The following LRRTM3 variants were observed in gnomAD, a reference collection of about 807,000 sequenced individuals.
LRRTM3 encodes the protein leucine rich repeat transmembrane neuronal 3.
LRRTM3 carries 24 observed loss-of-function variants against 44.7 expected under a neutral mutation model. The ratio of observed to expected loss-of-function variants is 0.54; its 90% confidence interval spans 0.39 to 0.76. The LOEUF is 0.76. LRRTM3 is among the 30% of genes least tolerant of loss of function. The pLI is 0.00. For missense variants in LRRTM3, 587 were observed against 702.2 expected (o/e 0.84, Z 1.85); for synonymous variants, 277 against 278.7 (o/e 0.99, Z 0.06).
intron 2 of LRRTM3, among the ~76,000 whole-genome samples, chr10:67,017,421 T>C (rs1362094284): frequency 6.6e-6 from 1 of 152,154 alleles, no homozygotes; most frequent in Non-Finnish European, 1.5e-5. Flanking sequence ...CAGAGTTGAT[T>C]ATGTGGAATA....
At chr10:67,075,870 A>G (rs780126505) in intron 2 of LRRTM3, among the ~76,000 whole-genome samples, 3 of 152,242 alleles carry the variant, frequency 2.0e-5, no homozygotes, top group Non-Finnish European at 4.4e-5. Context: ...TGAGCTTTCA[A>G]TCAACAATTT....
chr10:67,045,762 A>C (rs891843460), intron 2 of LRRTM3, among the ~76,000 whole-genome samples: 17 of 151,980 alleles, frequency 1.1e-4, no homozygotes, highest in African/African-American at 3.9e-4. Flanking sequence ...TAAAGAGGAG[A>C]AACCGAACTG....
chr10:67,092,307 G>A (rs970927856), intron 2 of LRRTM3, among the ~76,000 whole-genome samples: 1 of 151,822 alleles, frequency 6.6e-6, no homozygotes, highest in African/African-American at 2.4e-5. Context: ...AATGAGTAGA[G>A]ATATTTATAC....
intron 2 of LRRTM3, among the ~76,000 whole-genome samples, chr10:67,027,999 A>C (rs1168904385): frequency 1.3e-5 from 2 of 152,194 alleles, no homozygotes; most frequent in African/African-American, 2.4e-5. Flanking sequence ...GAAGCAAGTA[A>C]GGTAGCTGGT....
At chr10:67,041,565 G>A (rs1378159844) in intron 2 of LRRTM3, among the ~76,000 whole-genome samples, 5 of 151,996 alleles carry the variant, frequency 3.3e-5, no homozygotes, top group African/African-American at 4.8e-5. Flanking sequence ...TATAGTAATT[G>A]ACTGGCTCAT....
intron 2 of LRRTM3, among the ~76,000 whole-genome samples, chr10:66,938,684 TAC>T (rs1847847453): frequency 6.6e-6 from 1 of 152,104 alleles, no homozygotes; most frequent in Non-Finnish European, 1.5e-5. Context: ...CTTAGGAAAA[TAC>T]AGTTTTAAAG....
At position 66,928,278 on chromosome 10, in the gene LRRTM3, G is replaced by A. The variant is rs143200118; in HGVS notation, c.1362G>A (p.Gln454=). Residue 454 remains glutamine (Q), a synonymous_variant, in exon 2 of 3, where the codon CAG becomes CAA. Transcript: ENST00000361320. The part of the protein sequence containing the change: ...RYPASMKQLQ[Q]RSLMRRHRKK... The stretch of plus-strand genomic sequence containing the variant: ...CTGCGAGCATGAAGCAGCTGCAGCA[G>A]CGCTCCCTCATGCGAAGGCACAGGA... 4.3e-6 allele frequency: 7 copies of A among 1,614,054 alleles called. No individual in the cohort carries two copies. Among genetic ancestry groups the A allele is most frequent in the Non-Finnish European group, 5.9e-6 (7 of 1,180,044 alleles).
chr10:66,982,593 G>A (rs1273201885), intron 2 of LRRTM3, among the ~76,000 whole-genome samples: 1 of 151,992 alleles, frequency 6.6e-6, no homozygotes, highest in Non-Finnish European at 1.5e-5. Flanking sequence ...TAAAACAGTA[G>A]GTACTGAAAT....
At chr10:67,025,141 A>G (rs2133087712) in intron 2 of LRRTM3, among the ~76,000 whole-genome samples, 1 of 149,744 alleles carries the variant, frequency 6.7e-6, no homozygotes, top group East Asian at 1.9e-4. Context: ...AAAACAAAAA[A>G]AAAAAAGAAA....
chr10:66,996,751 A>G (rs1851375423), intron 2 of LRRTM3, among the ~76,000 whole-genome samples: 1 of 151,086 alleles, frequency 6.6e-6, no homozygotes, highest in Non-Finnish European at 1.5e-5. Context: ...AACTTATTGG[A>G]AAAAAAATTT....
At chr10:66,956,123 T>C (rs1464513701) in intron 2 of LRRTM3, among the ~76,000 whole-genome samples, 2 of 151,934 alleles carry the variant, frequency 1.3e-5, no homozygotes. Flanking sequence ...AGAAGAACCT[T>C]TTTGCTTGTT....
At chr10:67,063,888 C>T (rs1855907108) in intron 2 of LRRTM3, among the ~76,000 whole-genome samples, 1 of 152,176 alleles carries the variant, frequency 6.6e-6, no homozygotes, top group African/African-American at 2.4e-5. Flanking sequence ...CTCTGGCCTC[C>T]TCTAGAAGGA....
intron 2 of LRRTM3, among the ~76,000 whole-genome samples, chr10:67,028,240 TTTG>T (rs1330984749): frequency 1.3e-5 from 2 of 152,152 alleles, no homozygotes; most frequent in Non-Finnish European, 2.9e-5. Flanking sequence ...TCATTGTTTG[TTTG>T]TTGTTGTTGT....
intron 2 of LRRTM3, among the ~76,000 whole-genome samples, chr10:66,978,063 TATATACAC>T (rs144868326): frequency 0.55 from 53,154 of 97,010 alleles, 10,973 homozygotes; most frequent in Admixed American, 0.62. Context: ...CATATATATA[TATATACAC>T]ACACACACAC....
intron 2 of LRRTM3, among the ~76,000 whole-genome samples, chr10:66,970,486 G>T (rs532374356): frequency 1.5e-5 from 2 of 133,780 alleles, no homozygotes; most frequent in Non-Finnish European, 3.3e-5. Context: ...CTCCACAAAA[G>T]GTCTATATTC....
intron 2 of LRRTM3, among the ~76,000 whole-genome samples, chr10:67,047,130 T>C (rs1373671448): frequency 2.6e-5 from 4 of 152,196 alleles, no homozygotes; most frequent in Non-Finnish European, 4.4e-5. Context: ...AGTACACTTA[T>C]CTTCTCCCAT....
At chr10:67,010,872 C>T (rs1280800296) in intron 2 of LRRTM3, among the ~76,000 whole-genome samples, 1 of 152,150 alleles carries the variant, frequency 6.6e-6, no homozygotes, top group Non-Finnish European at 1.5e-5. Context: ...TCAAATTATA[C>T]TCCTTTATGG....
intron 2 of LRRTM3, among the ~76,000 whole-genome samples, chr10:67,001,102 A>G (rs1253976695): frequency 6.6e-6 from 1 of 152,038 alleles, no homozygotes; most frequent in South Asian, 2.1e-4. Context: ...GGAGATCGAG[A>G]CCATCCTGGC....
intron 2 of LRRTM3, among the ~76,000 whole-genome samples, chr10:66,997,060 A>G (rs1375315672): frequency 1.3e-5 from 2 of 152,202 alleles, no homozygotes; most frequent in Non-Finnish European, 2.9e-5. Context: ...ACTAACAGAG[A>G]GTCAAACAGT....
Sources: allele counts gnomAD v4.1 joint callset (sites outside exome capture counted in the v4.1 genomes callset), GRCh38; gene constraint gnomAD v4.1.1; transcripts MANE v1.5; gene names NCBI Gene and HGNC (gene_info 2026-07-23, HGNC 2026-07-21).